The following STEAP4 variants were observed in gnomAD, a reference collection of about 807,000 sequenced individuals.
The protein encoded by STEAP4 is STEAP4 metalloreductase.
In STEAP4, 36 loss-of-function variants were observed where a neutral mutation model predicts 43.6. That is an observed-to-expected ratio of 0.83 (90% CI 0.63 to 1.09). The LOEUF is 1.09. STEAP4 is among the 50% of genes least tolerant of loss of function. The probability of loss-of-function intolerance (pLI) is 0.00; values close to 1 mark genes in which losing one functional copy is unlikely to be tolerated. For missense variants in STEAP4, 495 were observed against 546.5 expected (o/e 0.91, Z 0.94); for synonymous variants, 191 against 196.7 (o/e 0.97, Z 0.24).
intron 1 of STEAP4, among the ~76,000 whole-genome samples, chr7:88,299,043 A>C (rs996288174): frequency 1.3e-5 from 2 of 152,190 alleles, no homozygotes; most frequent in Non-Finnish European, 2.9e-5. Flanking sequence ...TGAACTAACT[A>C]TGTCATATGC....
chr7:88,289,061 C>T (rs186858256), intron 1 of STEAP4, among the ~76,000 whole-genome samples: 168 of 148,408 alleles, frequency 1.1e-3, no homozygotes, highest in East Asian at 2.2e-3. Flanking sequence ...CATGCATGCG[C>T]GTGTGTGTGT....
intron 1 of STEAP4, among the ~76,000 whole-genome samples, chr7:88,294,411 C>A (rs1390824836): frequency 6.6e-6 from 1 of 151,884 alleles, no homozygotes; most frequent in Non-Finnish European, 1.5e-5. Context: ...AAAAAAAAAT[C>A]TGAAATCCAA....
intron 1 of STEAP4, 146 bp from the exon 2 acceptor site, chr7:88,284,417 A>C (rs2115965610): frequency 1.6e-6 from 1 of 637,682 alleles, no homozygotes; most frequent in Non-Finnish European, 2.5e-6. Context: ...TGGAAGGAGT[A>C]AAAATTGTCA....
At chr7:88,289,941 A>G (rs964145719) in intron 1 of STEAP4, among the ~76,000 whole-genome samples, 2 of 152,228 alleles carry the variant, frequency 1.3e-5, no homozygotes, top group African/African-American at 4.8e-5. Flanking sequence ...CTGCTGAACA[A>G]TGCCTTCATT....
At chr7:88,285,500 A>G (rs1187714690) in intron 1 of STEAP4, among the ~76,000 whole-genome samples, 2 of 152,082 alleles carry the variant, frequency 1.3e-5, no homozygotes, top group Admixed American at 1.3e-4. Flanking sequence ...ATAATTAAAT[A>G]ATGTGGTACT....
rs370475892 is a variant in STEAP4 at position 88,282,959 on chromosome 7, G to T, written c.666C>A (p.Asp222Glu). The T allele has an allele frequency of 2.5e-6, 4 of 1,613,764 alleles. No homozygotes were observed. The highest frequency in any genetic ancestry group is 3.4e-6 in the Non-Finnish European group (4 of 1,179,816). ...TTTCATAAACATAAGGGTAGATTAC[G>T]TCTCTTATAACACAATAGAAAAACA... Reference protein sequence around the residue: ...VFLFFYCVIRDVIYPYVYEKK... With the variant: ...VFLFFYCVIREVIYPYVYEKK... The change falls in exon 3 of 5, where the codon GAC becomes GAA. Residue 222 changes from aspartate (D) to glutamate (E), a missense_variant. Transcript: ENST00000380079.
intron 1 of STEAP4, among the ~76,000 whole-genome samples, chr7:88,300,406 T>C (rs1219477431): frequency 6.6e-6 from 1 of 151,966 alleles, no homozygotes; most frequent in African/African-American, 2.4e-5. Context: ...AGAGACTGGG[T>C]TTCACCATGT....
In STEAP4 at chr7:88,282,727, A is replaced by C; in HGVS notation, c.898T>G (p.Phe300Val). ...RKQLGLVALGFAFLHVLYTLV... is the reference protein window; with the variant it reads ...RKQLGLVALGVAFLHVLYTLV... ...GTGTAGAGGACATGAAGGAAGGCAA[A>C]TCCCAGAGCTACCAAGCCAAGCTGC... Residue 300 changes from phenylalanine (F) to valine (V), a missense_variant, in exon 3 of 5, where the codon TTT becomes GTT. By Grantham distance (50) the Phe-to-Val change is conservative. Coordinates refer to ENST00000380079, the MANE Select transcript of STEAP4 (RefSeq NM_024636.4). The C allele has an allele frequency of 1.9e-6, 3 of 1,614,004 alleles. No homozygotes were observed. The highest frequency in any genetic ancestry group is 2.7e-5 in the African/African-American group (2 of 74,982).
At position 88,284,087 on chromosome 7, in the gene STEAP4, A is replaced by T; in HGVS notation, c.183T>A (p.Gly61=). The change falls in exon 2 of 5, where the codon GGT becomes GGA. Residue 61 remains glycine (G), a synonymous_variant. Coordinates refer to ENST00000380079, the MANE Select transcript of STEAP4 (RefSeq NM_024636.4). Reference sequence around the variant, plus strand: ...CTTCTGAATAGCTCAAGACTTCTGCACCACTGGGCAGTAGGGTGGTCTTCT... The same window carrying T: ...CTTCTGAATAGCTCAAGACTTCTGCTCCACTGGGCAGTAGGGTGGTCTTCT... The part of the protein sequence containing the change: ...NPQKTTLLPS[G]AEVLSYSEAA... The T allele has an allele frequency of 1.9e-6, 3 of 1,614,154 alleles. No homozygotes were observed. The highest frequency in any genetic ancestry group is 2.5e-6 in the Non-Finnish European group (3 of 1,180,010).
At chr7:88,300,578 G>A (rs1853015178) in intron 1 of STEAP4, among the ~76,000 whole-genome samples, 1 of 152,128 alleles carries the variant, frequency 6.6e-6, no homozygotes, top group Non-Finnish European at 1.5e-5. Context: ...GCCTTTCAGT[G>A]GTGTGGCTGT....
Position 88,272,404 on chromosome 7 carries a change from A to G in STEAP4, c.*6994T>C, listed in dbSNP as rs1852449321. 7 of 152,252 alleles carry G rather than the reference A, an allele frequency of 4.6e-5. No individual in the cohort carries two copies. The South Asian group carries it at 1.4e-3, about 32-fold the overall frequency. 9.4% of individuals were successfully genotyped at this position (152,252 alleles called of 1,614,324 possible). On this transcript the variant is annotated 3_prime_UTR_variant, in exon 5 of 5. Coordinates refer to ENST00000380079, the MANE Select transcript of STEAP4 (RefSeq NM_024636.4). Reference sequence around the variant, plus strand: ...TCTACTTTACTACTCCATTCCCAGTATCTAATAATTTGATGATTTTTAACT... The same window carrying G: ...TCTACTTTACTACTCCATTCCCAGTGTCTAATAATTTGATGATTTTTAACT...
At chr7:88,298,466 AACAC>A (rs35424721) in intron 1 of STEAP4, 3,868 of 141,276 alleles carry the variant, frequency 0.027, 61 homozygotes, top group Middle Eastern at 0.032. Flanking sequence ...GGTTCTTGTA[AACAC>A]ACACACACAC....
Position 88,286,967 on chromosome 7 carries a change from A to T in STEAP4, c.-2-2696T>A, listed in dbSNP as rs981962210. Among the ~76,000 whole-genome samples the T allele has an allele frequency of 7.2e-5, 11 of 152,180 alleles. 1 individual carries two copies. Among genetic ancestry groups the T allele is most frequent in the Admixed American group, 3.9e-4 (6 of 15,266 alleles). ...CACTCTGTAATGGGGCTACAGCTAC[A>T]GACACCTTGTAATGGAGCTACAGGC... On this transcript the variant is annotated intron_variant, in intron 1 of 4. Coordinates refer to ENST00000380079, the MANE Select transcript of STEAP4 (RefSeq NM_024636.4).
At chr7:88,288,750 G>A (rs1563500002) in intron 1 of STEAP4, among the ~76,000 whole-genome samples, 2 of 152,028 alleles carry the variant, frequency 1.3e-5, no homozygotes, top group Non-Finnish European at 2.9e-5. Flanking sequence ...CAAAGAATAT[G>A]AGCTGATAGT....
chr7:88,282,493 T>TA (rs1242804416), intron 3 of STEAP4, 148 bp downstream of exon 3: 5 of 866,342 alleles, frequency 5.8e-6, no homozygotes, highest in Non-Finnish European at 8.6e-6. Flanking sequence ...GGATTCATTT[T>TA]AAAAAACTGA....
rs1852522896 is a variant in STEAP4, at chr7:88,277,044, A to G, written c.*2354T>C. 1.3e-5 allele frequency: 2 copies of G among 152,226 alleles called. No homozygotes were observed. The highest frequency in any genetic ancestry group is 2.9e-5 in the Non-Finnish European group (2 of 68,040). 9.4% of individuals were successfully genotyped at this position (152,226 alleles called of 1,614,324 possible). A position where few individuals can be genotyped will look rare whatever the true frequency, so the allele number is the denominator to read the frequency against. On this transcript the variant is annotated 3_prime_UTR_variant, in exon 5 of 5. Coordinates refer to ENST00000380079, the MANE Select transcript of STEAP4 (RefSeq NM_024636.4). ...CACATTACTCTCTTCTTTAACAAAAAGAGCATGGTTAACTCCAAAGACTTC... is the reference window on the plus strand; with the variant it reads ...CACATTACTCTCTTCTTTAACAAAAGGAGCATGGTTAACTCCAAAGACTTC...
chr7:88,300,869 G>A (rs976649862), intron 1 of STEAP4, among the ~76,000 whole-genome samples: 1 of 147,740 alleles, frequency 6.8e-6, no homozygotes. Flanking sequence ...TTCTTACAAG[G>A]CTCCTAAGTT....
rs370550739 is a variant in STEAP4 at position 88,302,558 on chromosome 7, C to T, written c.-3+4234G>A. Reference sequence around the variant, plus strand: ...GTATAGATGAAAGATGAACAATCAGCGATGACCATTAATTATCCCTTCCTA... The same window carrying T: ...GTATAGATGAAAGATGAACAATCAGTGATGACCATTAATTATCCCTTCCTA... On this transcript the variant is annotated intron_variant, in intron 1 of 4. Coordinates refer to ENST00000380079, the MANE Select transcript of STEAP4 (RefSeq NM_024636.4). Among the ~76,000 whole-genome samples, 7 of 152,242 alleles carry T rather than the reference C, an allele frequency of 4.6e-5. No individual in the cohort carries two copies. The South Asian group carries it at 1.0e-3, about 23-fold the overall frequency.
intron 1 of STEAP4, among the ~76,000 whole-genome samples, chr7:88,289,446 A>C (rs1329275485): frequency 6.6e-6 from 1 of 152,198 alleles, no homozygotes; most frequent in Non-Finnish European, 1.5e-5. Context: ...CCTATGGTGG[A>C]TTTCATGCAG....
Sources: allele counts gnomAD v4.1 joint callset (sites outside exome capture counted in the v4.1 genomes callset), GRCh38; gene constraint gnomAD v4.1.1; transcripts MANE v1.5; gene names NCBI Gene and HGNC (gene_info 2026-07-23, HGNC 2026-07-21).